GYS2: variants seen among roughly 807,000 people sequenced by gnomAD.
The protein encoded by GYS2 is glycogen synthase 2, also known as glycogen [starch] synthase, liver.
A neutral mutation model predicts 85.6 loss-of-function variants in GYS2; 80 were observed. The observed-to-expected ratio is 0.93, with a 90% CI of 0.78 to 1.13. GYS2 has a LOEUF of 1.13. Among genes scored for constraint, GYS2 ranks in the 50% most tolerant of loss-of-function variants. GYS2 has a pLI of 0.00. For synonymous variants in GYS2, 328 were observed against 300.7 expected (o/e 1.09, Z -0.94); for missense variants, 881 against 854.9 (o/e 1.03, Z -0.38).
intron 1 of GYS2, among the ~76,000 whole-genome samples, chr12:21,583,002 A>G (rs1305384581): frequency 6.6e-6 from 1 of 152,208 alleles, no homozygotes; most frequent in Admixed American, 6.5e-5. Flanking sequence ...AGTTCGCTGG[A>G]CAAAGTGATG....
intron 7 of GYS2, among the ~76,000 whole-genome samples, chr12:21,561,681 TGA>T (rs1944255051): frequency 6.6e-6 from 1 of 152,190 alleles, no homozygotes; most frequent in Non-Finnish European, 1.5e-5. Flanking sequence ...ATTGTATATG[TGA>T]TATAGTTGTG....
rs148491089 is a variant in GYS2, at chr12:21,578,734, G to A, written c.303+1608C>T. ...TTTTCCTTTTTTGAGTGAGACAAGCGAAAAATGATTCTTTCAGTATTGCTT... is the reference window on the plus strand; with the variant it reads ...TTTTCCTTTTTTGAGTGAGACAAGCAAAAAATGATTCTTTCAGTATTGCTT... On this transcript the variant is annotated intron_variant, in intron 2 of 15. Coordinates refer to ENST00000261195, the MANE Select transcript of GYS2 (RefSeq NM_021957.4). 2.3e-3 allele frequency among the ~76,000 whole-genome samples: 348 copies of A among 152,052 alleles called. 2 individuals carry two copies. The highest frequency in any genetic ancestry group is 8.1e-3 in the African/African-American group (334 of 41,472).
chr12:21,555,126 A>T (rs1015587605), intron 11 of GYS2, among the ~76,000 whole-genome samples: 2 of 152,220 alleles, frequency 1.3e-5, no homozygotes, highest in Non-Finnish European at 1.5e-5. Flanking sequence ...GAAAAACAGA[A>T]GTCTACAGGG....
rs745684908 is a variant in GYS2 at position 21,542,528 on chromosome 12, A to G, written c.1613T>C (p.Met538Thr). ...AGTAGGATCAGCCACGTGCTCCTGC[A>G]TGAAACAGCCAAACCCGGAGAGATT... ...TTNLSGFGCF[M>T]QEHVADPTAY... The change falls in exon 13 of 16, where the codon ATG becomes ACG. Residue 538 changes from methionine to threonine, a missense_variant. By Grantham distance (81) the Met-to-Thr change is moderately conservative. Transcript: ENST00000261195. 2 of 1,613,676 alleles carry G rather than the reference A, an allele frequency of 1.2e-6. No individual in the cohort carries two copies. The highest frequency in any genetic ancestry group is 2.2e-5 in the East Asian group (1 of 44,882).
intron 4 of GYS2, among the ~76,000 whole-genome samples, chr12:21,570,487 C>T (rs981776430): frequency 6.6e-6 from 1 of 152,222 alleles, no homozygotes; most frequent in African/African-American, 2.4e-5. Context: ...ATCAACTCTA[C>T]AAATGTAAGA....
intron 7 of GYS2, 106 bp downstream of exon 7, chr12:21,562,812 C>T (rs1198494631): frequency 9.1e-6 from 11 of 1,202,354 alleles, no homozygotes; most frequent in Middle Eastern, 3.8e-4. Context: ...ATACGATTAT[C>T]GTTTATTCTC....
intron 1 of GYS2, among the ~76,000 whole-genome samples, chr12:21,590,577 C>T (rs1286290868): frequency 6.6e-6 from 1 of 152,152 alleles, no homozygotes; most frequent in Non-Finnish European, 1.5e-5. Flanking sequence ...AGCCATCACC[C>T]ACACCACACC....
chr12:21,553,844 T>G (rs1397585027), intron 11 of GYS2, among the ~76,000 whole-genome samples: 1 of 151,834 alleles, frequency 6.6e-6, no homozygotes, highest in Non-Finnish European at 1.5e-5. Flanking sequence ...TATTAAGAAA[T>G]GAAGCACTGT....
chr12:21,551,175 A>C (rs1482137721), intron 11 of GYS2, among the ~76,000 whole-genome samples: 25 of 90,454 alleles, frequency 2.8e-4, no homozygotes, highest in African/African-American at 1.1e-3. Flanking sequence ...CCCACCCCAC[A>C]ACAGTCCCCA....
intron 1 of GYS2, among the ~76,000 whole-genome samples, chr12:21,585,036 G>T (rs1394470171): frequency 6.6e-6 from 1 of 152,162 alleles, no homozygotes; most frequent in Non-Finnish European, 1.5e-5. Context: ...CCAGAAGGCT[G>T]TGTATGCTCT....
chr12:21,549,671 C>T (rs1029006195), intron 11 of GYS2, among the ~76,000 whole-genome samples: 8 of 152,230 alleles, frequency 5.3e-5, no homozygotes, highest in East Asian at 3.9e-4. Context: ...TCCCTCAATG[C>T]GGGTTTGTCT....
chr12:21,590,868 A>ATGATACTGT (rs1236689071), intron 1 of GYS2, among the ~76,000 whole-genome samples: 6 of 152,188 alleles, frequency 3.9e-5, no homozygotes, highest in Non-Finnish European at 8.8e-5. Context: ...ACAGACACTG[A>ATGATACTGT]TGATACTGTT....
chr12:21,599,989 T>A (rs530275382), intron 1 of GYS2, among the ~76,000 whole-genome samples: 1 of 152,278 alleles, frequency 6.6e-6, no homozygotes, highest in African/African-American at 2.4e-5. Flanking sequence ...GGCACAGAGA[T>A]GCTATGTAAT....
chr12:21,555,907 G>A (rs1944173770), intron 11 of GYS2, among the ~76,000 whole-genome samples: 1 of 152,146 alleles, frequency 6.6e-6, no homozygotes, highest in Admixed American at 6.5e-5. Flanking sequence ...ACAATTCTAT[G>A]GCCTAGGGCC....
At chr12:21,576,574 T>C (rs1944449540) in intron 2 of GYS2, among the ~76,000 whole-genome samples, 2 of 152,184 alleles carry the variant, frequency 1.3e-5, no homozygotes, top group South Asian at 4.1e-4. Flanking sequence ...ATGCAAAATG[T>C]TTCCCAGTAT....
rs548363075 is a variant in GYS2 at position 21,604,832 on chromosome 12, T to C, written c.-240A>G. 4,281 of 1,275,242 alleles carry C rather than the reference T, an allele frequency of 3.4e-3. 7 individuals are homozygous for C. The highest frequency in any genetic ancestry group is 3.8e-3 in the Non-Finnish European group (3,824 of 998,220). 79.0% of individuals were successfully genotyped at this position (1,275,242 alleles called of 1,614,324 possible). ...GGGCAGGTATTGTGAGGACGGTATC[T>C]GCCCTGTCAGTATCTACCCAAACAA... On this transcript the variant is annotated 5_prime_UTR_variant, in exon 1 of 16. Coordinates refer to ENST00000261195, the MANE Select transcript of GYS2 (RefSeq NM_021957.4).
chr12:21,600,070 C>T (rs1303680018), intron 1 of GYS2, among the ~76,000 whole-genome samples: 1 of 152,126 alleles, frequency 6.6e-6, no homozygotes, highest in East Asian at 1.9e-4. Context: ...TAGCTGTAGA[C>T]AGCAAGATAG....
intron 1 of GYS2, among the ~76,000 whole-genome samples, chr12:21,591,021 C>A (rs1313391725): frequency 1.3e-5 from 2 of 152,058 alleles, no homozygotes; most frequent in African/African-American, 4.8e-5. Flanking sequence ...AAACTGGAAG[C>A]AGCAATCATT....
chr12:21,571,953 T>C (rs1944391127), intron 4 of GYS2, among the ~76,000 whole-genome samples: 1 of 110,708 alleles, frequency 9.0e-6, no homozygotes, highest in Non-Finnish European at 1.7e-5. Flanking sequence ...AGAGCAAGAC[T>C]CCGCGTCAAA....
Sources: gnomAD v4.1 joint callset for allele counts (sites outside exome capture counted in the v4.1 genomes callset) on GRCh38, gnomAD v4.1.1 for gene constraint, MANE v1.5 for transcripts, NCBI Gene and HGNC (gene_info 2026-07-23, HGNC 2026-07-21) for gene names.